Variants in CTNNA3 observed in about 807,000 individuals in gnomAD.
CTNNA3 encodes the protein catenin alpha-3.
Under a neutral mutation model 95.7 loss-of-function variants are expected in CTNNA3, and 76 were observed. The observed-to-expected ratio is 0.79, with a 90% CI of 0.66 to 0.96. CTNNA3 has a LOEUF of 0.96. Ranked by LOEUF, CTNNA3 falls within the 40% of genes least tolerant of loss-of-function variation. The probability of loss-of-function intolerance (pLI) is 0.00; values close to 1 mark genes in which losing one functional copy is unlikely to be tolerated. For synonymous variants in CTNNA3, 431 were observed against 374.4 expected (o/e 1.15, Z -1.74); for missense variants, 1,191 against 1,089.8 (o/e 1.09, Z -1.31).
intron 7 of CTNNA3, among the ~76,000 whole-genome samples, chr10:66,962,485 C>T (rs1190441595): frequency 6.6e-6 from 1 of 151,872 alleles, no homozygotes; most frequent in African/African-American, 2.4e-5. Context: ...TCTCTGCTCA[C>T]TGCAATCTCC....
intron 12 of CTNNA3, among the ~76,000 whole-genome samples, chr10:66,314,429 T>C (rs542527284): frequency 4.0e-5 from 6 of 150,536 alleles, no homozygotes; most frequent in Non-Finnish European, 9.0e-5. Flanking sequence ...GGAAAACATC[T>C]GTGTGATTAT....
intron 11 of CTNNA3, among the ~76,000 whole-genome samples, chr10:66,405,565 A>G (rs2132575639): frequency 1.3e-5 from 2 of 152,240 alleles, no homozygotes; most frequent in East Asian, 3.9e-4. Flanking sequence ...TCTCTTATAT[A>G]TGAGTAATAT....
At chr10:65,996,807 CCT>C (rs1564566944) in intron 15 of CTNNA3, among the ~76,000 whole-genome samples, 2 of 152,152 alleles carry the variant, frequency 1.3e-5, no homozygotes, top group East Asian at 3.9e-4. Flanking sequence ...GCTTTACTTC[CCT>C]GTTTTTTTTC....
chr10:66,412,871 CACTT>C (rs1230705039), intron 11 of CTNNA3, among the ~76,000 whole-genome samples: 1 of 151,664 alleles, frequency 6.6e-6, no homozygotes, highest in African/African-American at 2.4e-5. Context: ...GTTTAGGAAA[CACTT>C]AGGTGAAAGT....
intron 17 of CTNNA3, among the ~76,000 whole-genome samples, chr10:65,927,011 T>C (rs987214169): frequency 1.3e-5 from 2 of 152,216 alleles, no homozygotes; most frequent in African/African-American, 4.8e-5. Flanking sequence ...AAGCATATCA[T>C]CTATGAATAA....
intron 11 of CTNNA3, among the ~76,000 whole-genome samples, chr10:66,389,100 G>A (rs2092915807): frequency 2.0e-5 from 3 of 152,058 alleles, no homozygotes; most frequent in South Asian, 4.1e-4. Flanking sequence ...GAAAAAAAAT[G>A]CCAAATACCT....
chr10:67,745,273 C>T (rs145325618), intron 1 of CTNNA3, among the ~76,000 whole-genome samples: 2,516 of 151,962 alleles, frequency 0.017, 73 homozygotes, highest in African/African-American at 0.058. Flanking sequence ...TATCCAACAA[C>T]GATAGACTGG....
chr10:65,983,896 A>T (rs72791417), intron 16 of CTNNA3, among the ~76,000 whole-genome samples: 17,325 of 151,244 alleles, frequency 0.11, 1,380 homozygotes, highest in South Asian at 0.25. Context: ...AATAAAAATG[A>T]AAAGGCCAAG....
chr10:66,234,067 G>A (rs1183918954), intron 13 of CTNNA3, among the ~76,000 whole-genome samples: 1 of 152,028 alleles, frequency 6.6e-6, no homozygotes, highest in Non-Finnish European at 1.5e-5. Context: ...GTGGTGATAG[G>A]GAAAAATGAC....
chr10:66,621,726 A>G lies in CTNNA3; in HGVS notation c.1340T>C (p.Ile447Thr), dbSNP rs755746152. Residue 447 changes from isoleucine (I) to threonine (T), a missense_variant, in exon 10 of 18, where the codon ATT becomes ACT. Coordinates refer to ENST00000433211, the MANE Select transcript of CTNNA3 (RefSeq NM_013266.4). ...TNEDGIKIVK[I>T]AANHLETLCP... The stretch of plus-strand genomic sequence containing the variant: ...CAAGGTTTCCAAATGATTGGCTGCA[A>G]TTTTGACAATTTTAATTCCATCTTC... 2 of 1,612,272 alleles carry G rather than the reference A, an allele frequency of 1.2e-6. No homozygotes were observed. Among genetic ancestry groups the G allele is most frequent in the Admixed American group, 3.3e-5 (2 of 59,846 alleles).
intron 11 of CTNNA3, among the ~76,000 whole-genome samples, chr10:66,400,382 G>A (rs977092724): frequency 1.8e-4 from 28 of 151,900 alleles, no homozygotes; most frequent in Non-Finnish European, 3.5e-4. Flanking sequence ...AAGCTCTTTT[G>A]CCCCAGTGGA....
At chr10:67,195,908 T>G (rs147372718) in intron 6 of CTNNA3, among the ~76,000 whole-genome samples, 394 of 152,186 alleles carry the variant, frequency 2.6e-3, no homozygotes, top group Non-Finnish European at 4.6e-3. Flanking sequence ...CTGAAAATAC[T>G]AAAAATCTTA....
At chr10:66,152,216 T>C (rs1185855061) in intron 13 of CTNNA3, among the ~76,000 whole-genome samples, 1 of 151,944 alleles carries the variant, frequency 6.6e-6, no homozygotes, top group Non-Finnish European at 1.5e-5. Flanking sequence ...TATTGAATTA[T>C]GAATAAGCAG....
chr10:66,434,855 G>T (rs1378285061), intron 11 of CTNNA3, among the ~76,000 whole-genome samples: 4 of 152,086 alleles, frequency 2.6e-5, no homozygotes, highest in Non-Finnish European at 5.9e-5. Context: ...TTAGCATGAA[G>T]GGGTGTTGAA....
At chr10:66,581,995 T>G (rs924545131) in intron 10 of CTNNA3, among the ~76,000 whole-genome samples, 17 of 151,844 alleles carry the variant, frequency 1.1e-4, no homozygotes, top group Non-Finnish European at 1.6e-4. Flanking sequence ...ATCTCTATTA[T>G]ATTCCATTGA....
chr10:67,440,890 C>A (rs1360268659), intron 5 of CTNNA3, among the ~76,000 whole-genome samples: 3 of 151,966 alleles, frequency 2.0e-5, no homozygotes. Flanking sequence ...AATGCCCAGA[C>A]ACTGACAAAT....
chr10:66,076,544 T>C (rs2133624443), intron 14 of CTNNA3, among the ~76,000 whole-genome samples: 1 of 151,776 alleles, frequency 6.6e-6, no homozygotes, highest in East Asian at 1.9e-4. Flanking sequence ...AAAATATATA[T>C]TTGCTTTAAT....
intron 10 of CTNNA3, among the ~76,000 whole-genome samples, chr10:66,566,056 C>T (rs1385665283): frequency 6.6e-6 from 1 of 152,252 alleles, no homozygotes; most frequent in East Asian, 1.9e-4. Flanking sequence ...GAGTGGGAAA[C>T]ACTAAATTTT....
chr10:67,145,624 T>A (rs1184488653), intron 7 of CTNNA3, among the ~76,000 whole-genome samples: 1 of 151,762 alleles, frequency 6.6e-6, no homozygotes, highest in African/African-American at 2.4e-5. Context: ...AGAGACGGGG[T>A]TTCACCATAT....
Sources: allele counts gnomAD v4.1 joint callset (sites outside exome capture counted in the v4.1 genomes callset), GRCh38; gene constraint gnomAD v4.1.1; transcripts MANE v1.5; gene names NCBI Gene and HGNC (gene_info 2026-07-23, HGNC 2026-07-21).